SLC28A3: variants seen among roughly 807,000 people sequenced by gnomAD.
SLC28A3 encodes solute carrier family 28 member 3, also known as concentrative Na(+)-nucleoside cotransporter 3.
In SLC28A3, 68 loss-of-function variants were observed where a neutral mutation model predicts 84.2. The ratio of observed to expected loss-of-function variants is 0.81; its 90% CI spans 0.66 to 0.99. The LOEUF is 0.99. Among genes scored for constraint, SLC28A3 ranks in the 50% least tolerant of loss-of-function variants. SLC28A3 has a pLI of 0.00. For missense variants in SLC28A3, 712 were observed against 841.5 expected (o/e 0.85, Z 1.90); for synonymous variants, 267 against 303.6 (o/e 0.88, Z 1.25).
chr9:84,338,592 G>T (rs1827057677), intron 1 of SLC28A3, among the ~76,000 whole-genome samples: 2 of 152,286 alleles, frequency 1.3e-5, no homozygotes, highest in South Asian at 4.1e-4. Flanking sequence ...CCACAAAACA[G>T]CAGTTTTGCT....
upstream of SLC28A3, among the ~76,000 whole-genome samples, chr9:84,344,103 A>AT (rs890564176): frequency 2.7e-4 from 39 of 145,336 alleles, no homozygotes; most frequent in East Asian, 1.8e-3. Flanking sequence ...CTAAGCTCTG[A>AT]TTTTTTTTTT....
intron 1 of SLC28A3, among the ~76,000 whole-genome samples, chr9:84,316,580 A>T (rs1450014753): frequency 1.3e-5 from 2 of 152,218 alleles, no homozygotes; most frequent in African/African-American, 4.8e-5. Context: ...CTTGAGCAGG[A>T]GGCTCACCCC....
chr9:84,313,316 G>A (rs776890592), intron 2 of SLC28A3, 43 bp downstream of exon 2: 37 of 1,558,764 alleles, frequency 2.4e-5, no homozygotes, highest in Middle Eastern at 3.6e-4. Context: ...GTTGCGCAGC[G>A]GCTGCCATGG....
intron 5 of SLC28A3, among the ~76,000 whole-genome samples, chr9:84,300,862 A>G (rs1439017748): frequency 6.6e-6 from 1 of 152,134 alleles, no homozygotes; most frequent in East Asian, 1.9e-4. Context: ...CAGGGGAGCA[A>G]GTAACAAGGA....
At chr9:84,363,038 C>T in the SLC28A3 span, among the ~76,000 whole-genome samples, 1 of 152,130 alleles carries the variant, frequency 6.6e-6, no homozygotes, top group African/African-American at 2.4e-5. Flanking sequence ...CCAGATATGA[C>T]AGTACCATTG....
chr9:84,292,575 C>T, intron 10 of SLC28A3, 93 bp downstream of exon 10: 3 of 1,014,194 alleles, frequency 3.0e-6, no homozygotes, highest in Non-Finnish European at 2.9e-6. Context: ...TTTCTCTACA[C>T]TAAAAGAACA....
At chr9:84,325,487 C>T (rs1021902470) in intron 1 of SLC28A3, among the ~76,000 whole-genome samples, 5 of 152,172 alleles carry the variant, frequency 3.3e-5, no homozygotes, top group Admixed American at 6.5e-5. Flanking sequence ...GGTGAGATCA[C>T]GTTTTGCCAT....
intron 1 of SLC28A3, among the ~76,000 whole-genome samples, chr9:84,325,444 G>A (rs527360274): frequency 3.9e-5 from 6 of 152,260 alleles, no homozygotes; most frequent in African/African-American, 9.6e-5. Flanking sequence ...TGAAATGTTC[G>A]GAAGATGGAG....
chr9:84,276,464 G>A lies in SLC28A3; in HGVS notation c.*1754C>T, dbSNP rs1588548964. 2 of 151,960 alleles carry A rather than the reference G, an allele frequency of 1.3e-5. No individual in the cohort carries two copies. The highest frequency in any genetic ancestry group is 4.2e-4 in the South Asian group (2 of 4,796). The allele number at this position is 151,960 out of a possible 1,614,324, so 9.4% of individuals were successfully genotyped here. On this transcript the variant is annotated 3_prime_UTR_variant, in exon 18 of 18. Transcript: ENST00000376238. ...CATGCACTGTCCAGAGTAGGAAAAA[G>A]AGAACCCCCAAACCAAAACCTGTAA...
the SLC28A3 span, among the ~76,000 whole-genome samples, chr9:84,358,862 GTGCAATCTCAGCTCAC>G: frequency 6.6e-6 from 1 of 152,152 alleles, no homozygotes; most frequent in African/African-American, 2.4e-5. Context: ...GAGTGCAGTG[GTGCAATCTCAGCTCAC>G]TGCAACCTCT....
At chr9:84,289,498 G>A (rs143987800) in intron 11 of SLC28A3, among the ~76,000 whole-genome samples, 2 of 152,332 alleles carry the variant, frequency 1.3e-5, no homozygotes. Context: ...GAATCTGAGA[G>A]TTTTAAAAAA....
At chr9:84,328,036 T>G (rs1826632289) in intron 1 of SLC28A3, among the ~76,000 whole-genome samples, 1 of 151,486 alleles carries the variant, frequency 6.6e-6, no homozygotes, top group Non-Finnish European at 1.5e-5. Context: ...TTAACATAGG[T>G]AGCTGCCTGA....
At chr9:84,341,900 G>A (rs1291059309), upstream of SLC28A3, among the ~76,000 whole-genome samples, 1 of 152,036 alleles carries the variant, frequency 6.6e-6, no homozygotes, top group African/African-American at 2.4e-5. Context: ...AGCCCAAGGC[G>A]GGTGGATCAC....
intron 1 of SLC28A3, among the ~76,000 whole-genome samples, chr9:84,322,859 T>C (rs889089692): frequency 1.3e-5 from 2 of 151,862 alleles, no homozygotes; most frequent in African/African-American, 2.4e-5. Context: ...AAGAATGAAT[T>C]TACAGTATAT....
intron 6 of SLC28A3, among the ~76,000 whole-genome samples, 191 bp from the exon 7 acceptor site, chr9:84,298,210 G>GGC (rs1352365411): frequency 5.3e-5 from 8 of 152,192 alleles, no homozygotes; most frequent in African/African-American, 1.9e-4. Context: ...ACTCAGGCCA[G>GGC]GCGCAGTGGC....
upstream of SLC28A3, among the ~76,000 whole-genome samples, chr9:84,343,682 T>C (rs188993868): frequency 3.7e-4 from 56 of 152,326 alleles, no homozygotes; most frequent in Non-Finnish European, 1.2e-4. Context: ...CAAACTTCAG[T>C]GTCTATAAAT....
At chr9:84,309,558 TG>T in intron 3 of SLC28A3, 70 bp downstream of exon 3, 1 of 669,476 alleles carries the variant, frequency 1.5e-6, no homozygotes, top group Non-Finnish European at 2.4e-6. Flanking sequence ...AGAAATCAAA[TG>T]GGGATAAAAC....
chr9:84,281,278 T>A (rs1304491675), intron 14 of SLC28A3, among the ~76,000 whole-genome samples: 1 of 152,204 alleles, frequency 6.6e-6, no homozygotes, highest in Non-Finnish European at 1.5e-5. Flanking sequence ...GAAAAAGGAC[T>A]TATTCAGACT....
intron 1 of SLC28A3, among the ~76,000 whole-genome samples, chr9:84,317,766 C>T (rs1826224211): frequency 1.3e-5 from 2 of 152,174 alleles, no homozygotes; most frequent in South Asian, 4.1e-4. Context: ...TGGCTCCATC[C>T]AGTGGCACAC....
Sources: gnomAD v4.1 joint callset for allele counts (sites outside exome capture counted in the v4.1 genomes callset) on GRCh38, gnomAD v4.1.1 for gene constraint, MANE v1.5 for transcripts, NCBI Gene and HGNC (gene_info 2026-07-23, HGNC 2026-07-21) for gene names.